The following EIF4E3 variants were observed in gnomAD, a reference collection of about 807,000 sequenced individuals.
The protein encoded by EIF4E3 is eukaryotic translation initiation factor 4E family member 3.
Under a neutral mutation model 31.7 loss-of-function variants are expected in EIF4E3, and 26 were observed. The ratio of observed to expected loss-of-function variants is 0.82; its 90% confidence interval spans 0.60 to 1.14. The LOEUF (loss-of-function observed/expected upper bound fraction) is 1.14, where lower values mean the gene tolerates loss of function less well. EIF4E3 is among the 50% of genes most tolerant of loss of function. The pLI is 0.00. For synonymous variants in EIF4E3, 128 were observed against 107.7 expected (o/e 1.19, Z -1.17); for missense variants, 304 against 270.9 (o/e 1.12, Z -0.86).
At chr3:71,754,362 T>G, upstream of EIF4E3, 2 of 1,323,288 alleles carry the variant, frequency 1.5e-6, no homozygotes, top group Non-Finnish European at 1.9e-6. This position sits in a 1 kb window ranked among gnomAD's most constrained non-coding sequence, Gnocchi z 5.8. Context: ...GGCCGCGCTC[T>G]TCTGCTTCCA....
chr3:71,705,775 T>C (rs1351986964), intron 2 of EIF4E3, among the ~76,000 whole-genome samples: 1 of 152,222 alleles, frequency 6.6e-6, no homozygotes, highest in Non-Finnish European at 1.5e-5. Flanking sequence ...AAAACAGGGC[T>C]TGTTCAAAAG....
In EIF4E3 at chr3:71,676,854, A is replaced by G. The variant is rs2048878450; in HGVS notation, c.*7828T>C. 1 of 152,226 alleles carries G rather than the reference A, an allele frequency of 6.6e-6. No homozygotes were observed. Among genetic ancestry groups the G allele is most frequent in the Non-Finnish European group, 1.5e-5 (1 of 68,050 alleles). 9.4% of individuals were successfully genotyped at this position (152,226 alleles called of 1,614,324 possible). A position where few individuals can be genotyped will look rare whatever the true frequency, so the allele number is the denominator to read the frequency against. Reference sequence around the variant, plus strand: ...AAAGGGGACACGGCTTTAGTGTTTAACCTTCACTTCCATCATTCTTTTCCA... The same window carrying G: ...AAAGGGGACACGGCTTTAGTGTTTAGCCTTCACTTCCATCATTCTTTTCCA... On this transcript the variant is annotated 3_prime_UTR_variant, in exon 7 of 7. Transcript: ENST00000425534.
At position 71,725,169 on chromosome 3, in the gene EIF4E3, C is replaced by A; in HGVS notation, c.176+23G>T. 9.3e-7 allele frequency: 1 copy of A among 1,075,124 alleles called. No individual in the cohort carries two copies. Among genetic ancestry groups the A allele is most frequent in the South Asian group, 3.5e-5 (1 of 28,208 alleles). 66.6% of individuals were successfully genotyped at this position (1,075,124 alleles called of 1,614,324 possible). On this transcript the variant is annotated intron_variant, in intron 1 of 6. Coordinates refer to ENST00000425534, the MANE Select transcript of EIF4E3 (RefSeq NM_001134651.2). The surrounding 1 kb of genome is among the most constrained non-coding windows in gnomAD (Gnocchi z 6.1). ...GCAGGACCCGGGTCGGGGCCGTGCG[C>A]GGCGGGCCCCGCGCCCCCTCACCTG...
At chr3:71,750,743 G>GAC (rs2049918362) in intron 1 of EIF4E3, among the ~76,000 whole-genome samples, 2 of 151,060 alleles carry the variant, frequency 1.3e-5, no homozygotes, top group African/African-American at 4.9e-5. Context: ...AACATAGGGA[G>GAC]ACCCCATCTC....
intron 1 of EIF4E3, among the ~76,000 whole-genome samples, chr3:71,732,868 CT>C (rs1559611374): frequency 6.6e-6 from 1 of 152,216 alleles, no homozygotes; most frequent in Non-Finnish European, 1.5e-5. Flanking sequence ...TCTGAGTCTC[CT>C]TTTTTCTCAA....
chr3:71,711,368 G>A (rs1274604123), intron 1 of EIF4E3, among the ~76,000 whole-genome samples: 1 of 152,214 alleles, frequency 6.6e-6, no homozygotes, highest in Non-Finnish European at 1.5e-5. Context: ...ACATCTGGTT[G>A]TTGGTGAGAA....
the EIF4E3 span, among the ~76,000 whole-genome samples, chr3:71,668,406 C>A: frequency 6.6e-6 from 1 of 151,712 alleles, no homozygotes; most frequent in Non-Finnish European, 1.5e-5. Flanking sequence ...GGGATTTAAT[C>A]AAACTAAAGA....
upstream of EIF4E3, chr3:71,754,256 C>T: frequency 3.2e-6 from 4 of 1,259,902 alleles, no homozygotes; most frequent in Non-Finnish European, 4.0e-6. This position sits in a 1 kb window ranked among gnomAD's most constrained non-coding sequence, Gnocchi z 5.8. Context: ...TGCGCGCGCT[C>T]GCCTGCCTCC....
intron 1 of EIF4E3, among the ~76,000 whole-genome samples, chr3:71,741,194 G>GCACA (rs147940981): frequency 1.2e-3 from 179 of 149,314 alleles, no homozygotes; most frequent in African/African-American, 3.9e-3. Context: ...ACATGCACGC[G>GCACA]CACACACACA....
At chr3:71,691,093 T>C (rs563392198) in intron 5 of EIF4E3, among the ~76,000 whole-genome samples, 10 of 152,346 alleles carry the variant, frequency 6.6e-5, no homozygotes, top group Admixed American at 5.9e-4. Flanking sequence ...TTTTGATTCT[T>C]TGTTTCCTTG....
chr3:71,681,562 T>C lies in EIF4E3; in HGVS notation c.*3120A>G, dbSNP rs2048923665. 1 of 152,248 alleles carries C rather than the reference T, an allele frequency of 6.6e-6. No individual in the cohort carries two copies. Among genetic ancestry groups the C allele is most frequent in the Non-Finnish European group, 1.5e-5 (1 of 68,072 alleles). 9.4% of individuals were successfully genotyped at this position (152,248 alleles called of 1,614,324 possible). ...CAGTGGCCAGATTGGATCAGATATT[T>C]AATGCTTGATTAGGGTGGCTAGTGG... On this transcript the variant is annotated 3_prime_UTR_variant, in exon 7 of 7. Coordinates refer to ENST00000425534, the MANE Select transcript of EIF4E3 (RefSeq NM_001134651.2).
chr3:71,671,806 AT>A (rs10711091), downstream of EIF4E3, among the ~76,000 whole-genome samples: 21,327 of 147,210 alleles, frequency 0.14, 1,579 homozygotes, highest in Middle Eastern at 0.2. Context: ...TAAACCCTCC[AT>A]TTTTTTTTTT....
intron 3 of EIF4E3, among the ~76,000 whole-genome samples, chr3:71,699,372 A>G (rs1209789305): frequency 6.6e-6 from 1 of 152,170 alleles, no homozygotes; most frequent in Non-Finnish European, 1.5e-5. Context: ...GAATGACATG[A>G]CATAAGGATT....
rs893783163 is a variant in EIF4E3, at chr3:71,676,714, G to A, written c.*7968C>T. 1 of 150,486 alleles carries A rather than the reference G, an allele frequency of 6.6e-6. No homozygotes were observed. Among genetic ancestry groups the A allele is most frequent in the African/African-American group, 2.4e-5 (1 of 40,848 alleles). The allele number at this position is 150,486 out of a possible 1,614,324, so 9.3% of individuals were successfully genotyped here. A position where few individuals can be genotyped will look rare whatever the true frequency, so the allele number is the denominator to read the frequency against. On this transcript the variant is annotated 3_prime_UTR_variant, in exon 7 of 7. Transcript: ENST00000425534. Reference sequence around the variant, plus strand: ...ACTCTTTGAAAGCTGATGGACCTCTGTTAAAATGTGGATTCCAAGATGTTT... The same window carrying A: ...ACTCTTTGAAAGCTGATGGACCTCTATTAAAATGTGGATTCCAAGATGTTT...
chr3:71,699,830 A>G (rs977512185), intron 2 of EIF4E3, 122 bp from the exon 3 acceptor site: 4 of 756,800 alleles, frequency 5.3e-6, no homozygotes, highest in Non-Finnish European at 8.4e-6. Context: ...CATTCAAAAT[A>G]GATTTTTCTC....
At chr3:71,746,977 G>A (rs759295558) in intron 1 of EIF4E3, among the ~76,000 whole-genome samples, 3 of 152,204 alleles carry the variant, frequency 2.0e-5, no homozygotes, top group Non-Finnish European at 4.4e-5. Flanking sequence ...GTTATTATGA[G>A]TGAATAGTAT....
intron 2 of EIF4E3, among the ~76,000 whole-genome samples, chr3:71,706,726 G>C (rs554680551): frequency 6.6e-6 from 1 of 152,248 alleles, no homozygotes; most frequent in African/African-American, 2.4e-5. Flanking sequence ...AGGAGGCTGG[G>C]GTGGGAGGAT....
At chr3:71,742,132 A>C (rs2049827223) in intron 1 of EIF4E3, among the ~76,000 whole-genome samples, 1 of 152,190 alleles carries the variant, frequency 6.6e-6, no homozygotes, top group African/African-American at 2.4e-5. Flanking sequence ...TAAATAGATC[A>C]AAGGAGATAA....
chr3:71,700,943 G>A (rs2049207912), intron 2 of EIF4E3, among the ~76,000 whole-genome samples: 1 of 152,158 alleles, frequency 6.6e-6, no homozygotes, highest in Non-Finnish European at 1.5e-5. Context: ...CACCATGACA[G>A]GCTTGGTGTC....
Sources: gnomAD v4.1 joint callset for allele counts (sites outside exome capture counted in the v4.1 genomes callset) on GRCh38, gnomAD v4.1.1 for gene constraint, Gnocchi (gnomAD v3.1) non-coding constraint, MANE v1.5 for transcripts, NCBI Gene and HGNC (gene_info 2026-07-23, HGNC 2026-07-21) for gene names.